The following ULK4 variants were observed in gnomAD, a reference collection of about 807,000 sequenced individuals.
ULK4 encodes the protein unc-51 like kinase 4, also known as inactive serine/threonine-protein kinase ULK4.
A neutral mutation model predicts 160.6 loss-of-function variants in ULK4; 133 were observed. The observed-to-expected ratio is 0.83, with a 90% CI of 0.72 to 0.96. The LOEUF is 0.96. Ranked by LOEUF, ULK4 falls within the 40% of genes least tolerant of loss-of-function variation. The pLI, the probability that ULK4 is intolerant of heterozygous loss-of-function variation, is 0.00. For missense variants in ULK4, 1,580 were observed against 1,499.5 expected (o/e 1.05, Z -0.89); for synonymous variants, 534 against 539.8 (o/e 0.99, Z 0.15).
At position 41,883,960 on chromosome 3, in the gene ULK4, T is replaced by C. The variant is rs1697623733; in HGVS notation, c.1578-8A>G. 1.3e-6 allele frequency: 2 copies of C among 1,598,238 alleles called. No homozygotes were observed. The highest frequency in any genetic ancestry group is 1.1e-5 in the South Asian group (1 of 90,742). On this transcript the variant is annotated splice_region_variant and splice_polypyrimidine_tract_variant and intron_variant, in intron 16 of 36. Transcript: ENST00000301831. ...TGAGCAACCTTGGCCCGTCTGTAAA[T>C]GGAGAGAAAACAGGCTCTGAAAAGA...
chr3:41,674,484 C>T lies in ULK4; in HGVS notation c.2978+7024G>A, dbSNP rs187868393. Reference sequence around the variant, plus strand: ...TTTTCTGAGTATATGTGGTATCTTTCCTCCCAGAAGAGAAGAAAATCTTTG... The same window carrying T: ...TTTTCTGAGTATATGTGGTATCTTTTCTCCCAGAAGAGAAGAAAATCTTTG... On this transcript the variant is annotated intron_variant, in intron 29 of 36. Coordinates refer to ENST00000301831, the MANE Select transcript of ULK4 (RefSeq NM_017886.4). Among the ~76,000 whole-genome samples, 230 of 152,286 alleles carry T rather than the reference C, an allele frequency of 1.5e-3. 1 individual carries two copies. The highest frequency in any genetic ancestry group is 3.9e-3 in the Admixed American group (60 of 15,288).
intron 31 of ULK4, among the ~76,000 whole-genome samples, chr3:41,573,191 A>G (rs940649529): frequency 3.3e-5 from 5 of 151,998 alleles, no homozygotes; most frequent in Admixed American, 3.3e-4. Flanking sequence ...TAGATGAAAC[A>G]ACTTCATTAA....
intron 31 of ULK4, among the ~76,000 whole-genome samples, chr3:41,579,457 C>T (rs747152977): frequency 4.0e-5 from 6 of 150,406 alleles, no homozygotes; most frequent in Admixed American, 4.0e-4. Context: ...CATCACAAGG[C>T]AGCTATTCAC....
chr3:41,306,034 G>T (rs1232015695), intron 35 of ULK4, among the ~76,000 whole-genome samples: 1 of 146,166 alleles, frequency 6.8e-6, no homozygotes, highest in Admixed American at 6.8e-5. Context: ...CAGTCGCCCC[G>T]TCTGAGAAGT....
chr3:41,869,668 G>A (rs189922228), intron 17 of ULK4, among the ~76,000 whole-genome samples: 6 of 152,150 alleles, frequency 3.9e-5, no homozygotes, highest in East Asian at 3.9e-4. Context: ...AAACACTTCC[G>A]CATGTGTTCC....
intron 32 of ULK4, among the ~76,000 whole-genome samples, chr3:41,504,139 T>TC (rs966953464): frequency 6.6e-6 from 1 of 152,156 alleles, no homozygotes; most frequent in African/African-American, 2.4e-5. Flanking sequence ...GGCATGACTC[T>TC]CCCTTCCTTC....
Position 41,602,251 on chromosome 3 carries a change from A to AAGG in ULK4, c.3120+13417_3120+13418insCCT, listed in dbSNP as rs1559425415. On this transcript the variant is annotated intron_variant, in intron 31 of 36. Transcript: ENST00000301831. Reference sequence around the variant, plus strand: ...AAGGAAAGGAAAGGGAAGGAAGAGAAAAAGGAAAGGAAAGGAAAGGAAAGG... The same window carrying AAGG: ...AAGGAAAGGAAAGGGAAGGAAGAGAAAGGAAAGGAAAGGAAAGGAAAGGAAAGG... Among the ~76,000 whole-genome samples the AAGG allele has an allele frequency of 8.2e-3, 713 of 86,724 alleles. 10 individuals carry two copies. The highest frequency in any genetic ancestry group is 0.012 in the Non-Finnish European group (524 of 44,142). 56.9% of individuals were successfully genotyped at this position (86,724 alleles called of 152,430 possible).
chr3:41,884,149 AC>A (rs1559628154), intron 16 of ULK4, among the ~76,000 whole-genome samples, 197 bp from the exon 17 acceptor site: 1 of 152,220 alleles, frequency 6.6e-6, no homozygotes, highest in Non-Finnish European at 1.5e-5. Context: ...GGAGACACGA[AC>A]CGTAATGTCC....
intron 29 of ULK4, among the ~76,000 whole-genome samples, chr3:41,668,199 A>C (rs1473358805): frequency 6.6e-6 from 1 of 152,174 alleles, no homozygotes; most frequent in African/African-American, 2.4e-5. Flanking sequence ...AATTTGAAGG[A>C]GTGATTCCAG....
intron 32 of ULK4, among the ~76,000 whole-genome samples, chr3:41,484,458 C>CTTTTTTTTTTTTTTTTTTTTTTT (rs369059587): frequency 3.7e-5 from 5 of 134,852 alleles, no homozygotes; most frequent in Non-Finnish European, 3.2e-5. Context: ...CTTTCTTTTC[C>CTTTTTTTTTTTTTTTTTTTTTTT]TTTTTTTGTT....
intron 22 of ULK4, among the ~76,000 whole-genome samples, chr3:41,723,990 CT>C (rs2037562295): frequency 6.6e-6 from 1 of 152,234 alleles, no homozygotes; most frequent in Non-Finnish European, 1.5e-5. Flanking sequence ...TACAGATGAT[CT>C]TAATGTAAAG....
chr3:41,592,746 G>A (rs1575460787), intron 31 of ULK4, among the ~76,000 whole-genome samples: 1 of 152,132 alleles, frequency 6.6e-6, no homozygotes, highest in Non-Finnish European at 1.5e-5. Context: ...CTTATGAAGA[G>A]TAGTTAAAAT....
chr3:41,733,561 A>G (rs1197012933), intron 22 of ULK4, among the ~76,000 whole-genome samples: 1 of 152,000 alleles, frequency 6.6e-6, no homozygotes, highest in Admixed American at 6.6e-5. Flanking sequence ...ATAATAATAA[A>G]TTAAATATTT....
chr3:41,897,530 T>A (rs1025014139), intron 14 of ULK4, among the ~76,000 whole-genome samples: 1 of 152,194 alleles, frequency 6.6e-6, no homozygotes, highest in African/African-American at 2.4e-5. Context: ...TTAACATATT[T>A]TTGGCTGATC....
chr3:41,893,459 G>T (rs1281945446), intron 16 of ULK4, among the ~76,000 whole-genome samples: 1 of 152,032 alleles, frequency 6.6e-6, no homozygotes, highest in Non-Finnish European at 1.5e-5. Context: ...CATTGACTGG[G>T]ATTATATATT....
intron 27 of ULK4, among the ~76,000 whole-genome samples, chr3:41,702,556 A>C (rs542632827): frequency 2.6e-5 from 4 of 152,338 alleles, no homozygotes; most frequent in African/African-American, 9.6e-5. Context: ...GCAAATATTA[A>C]TCAAAACAAA....
chr3:41,315,331 A>G (rs1406802888), intron 35 of ULK4, among the ~76,000 whole-genome samples: 1 of 152,190 alleles, frequency 6.6e-6, no homozygotes, highest in Non-Finnish European at 1.5e-5. Flanking sequence ...CATTTCTGAG[A>G]AAATGCCTGC....
chr3:41,647,250 T>C (rs1183207743), intron 30 of ULK4, among the ~76,000 whole-genome samples: 6 of 152,358 alleles, frequency 3.9e-5, no homozygotes, highest in African/African-American at 1.4e-4. Flanking sequence ...CTGCATTCCT[T>C]TGGAGGAGGA....
chr3:41,902,116 G>A (rs1388761907), intron 12 of ULK4, among the ~76,000 whole-genome samples: 2 of 151,912 alleles, frequency 1.3e-5, no homozygotes, highest in Admixed American at 6.6e-5. Flanking sequence ...AAGAAACAAC[G>A]GCTAGCAAAC....
Sources: gnomAD v4.1 joint callset for allele counts (sites outside exome capture counted in the v4.1 genomes callset) on GRCh38, gnomAD v4.1.1 for gene constraint, MANE v1.5 for transcripts, NCBI Gene and HGNC (gene_info 2026-07-23, HGNC 2026-07-21) for gene names.